Variants in VRK1 observed in about 807,000 individuals in gnomAD.
The protein encoded by VRK1 is serine/threonine-protein kinase VRK1.
A neutral mutation model predicts 57.1 loss-of-function variants in VRK1; 33 were observed. That is an observed-to-expected ratio of 0.58 (90% CI 0.44 to 0.77). The LOEUF is 0.77. Ranked by LOEUF, VRK1 falls within the 30% of genes least tolerant of loss-of-function variation. The pLI, the probability that VRK1 is intolerant of heterozygous loss-of-function variation, is 0.00. For missense variants in VRK1, 413 were observed against 477.3 expected (o/e 0.87, Z 1.25); for synonymous variants, 137 against 147.8 (o/e 0.93, Z 0.53).
chr14:96,834,360 A>G (rs1249327060), intron 2 of VRK1, among the ~76,000 whole-genome samples: 1 of 152,128 alleles, frequency 6.6e-6, no homozygotes, highest in African/African-American at 2.4e-5. Flanking sequence ...ATTTTTAGCA[A>G]TATCTTACTC....
Position 96,847,255 on chromosome 14 carries a change from A to G in VRK1, c.287-2A>G. The G allele has an allele frequency of 6.2e-7, 1 of 1,612,544 alleles. No individual in the cohort carries two copies. The highest frequency in any genetic ancestry group is 8.5e-7 in the Non-Finnish European group (1 of 1,178,748). On this transcript the variant is annotated splice_acceptor_variant, in intron 4 of 12. Transcript: ENST00000216639. LOFTEE classifies it high-confidence loss of function. ...ATCACAAAGATCTGTTTTAATTTGT[A>G]GTTCAGAAATGGATTCGTACCCGTA...
intron 11 of VRK1, among the ~76,000 whole-genome samples, chr14:96,866,114 C>T (rs1888577138): frequency 6.6e-6 from 1 of 151,722 alleles, no homozygotes; most frequent in Non-Finnish European, 1.5e-5. Context: ...ATTCTTTGTT[C>T]GTGTGCTTAT....
intron 1 of VRK1, among the ~76,000 whole-genome samples, chr14:96,806,562 T>C (rs979420426): frequency 6.6e-6 from 1 of 152,204 alleles, no homozygotes. Flanking sequence ...AGTTCAAATA[T>C]TGACTGCTGT....
intron 2 of VRK1, among the ~76,000 whole-genome samples, chr14:96,835,905 C>T (rs1595662247): frequency 6.6e-6 from 1 of 152,260 alleles, no homozygotes; most frequent in Middle Eastern, 3.4e-3. Context: ...TTCAGTATGG[C>T]TTTTATGACC....
chr14:96,812,660 T>G (rs1215637152), intron 1 of VRK1, among the ~76,000 whole-genome samples: 2 of 152,218 alleles, frequency 1.3e-5, no homozygotes, highest in Non-Finnish European at 2.9e-5. Flanking sequence ...CTCAAAATGT[T>G]TTTTCTTTTT....
intron 5 of VRK1, among the ~76,000 whole-genome samples, chr14:96,850,419 G>C (rs1887902599): frequency 1.3e-5 from 2 of 152,252 alleles, no homozygotes; most frequent in South Asian, 4.1e-4. Flanking sequence ...TACTTTAGAG[G>C]AGTTACTTAG....
Position 96,827,870 on chromosome 14 carries a change from A to G in VRK1, c.-5-5597A>G, listed in dbSNP as rs576978348. On this transcript the variant is annotated intron_variant, in intron 1 of 12. Coordinates refer to ENST00000216639, the MANE Select transcript of VRK1 (RefSeq NM_003384.3). ...ATTTTACATAAATAAACAGGATGAA[A>G]TAATAAGTATACTTCTTGATTACTT... Among the ~76,000 whole-genome samples the G allele has an allele frequency of 3.3e-5, 5 of 152,314 alleles. No individual in the cohort carries two copies. The South Asian group carries it at 1.0e-3, about 32-fold the overall frequency.
intron 12 of VRK1, among the ~76,000 whole-genome samples, chr14:96,878,669 G>A (rs1889133755): frequency 6.6e-6 from 1 of 152,126 alleles, no homozygotes; most frequent in African/African-American, 2.4e-5. Flanking sequence ...AATGTGTATT[G>A]TGTAGGTTTT....
chr14:96,880,914 T>C (rs558003278), intron 12 of VRK1, among the ~76,000 whole-genome samples: 3 of 152,344 alleles, frequency 2.0e-5, no homozygotes, highest in Non-Finnish European at 2.9e-5. Context: ...AGATACGTTT[T>C]ATCAGTCAGT....
intron 3 of VRK1, among the ~76,000 whole-genome samples, chr14:96,843,876 C>G (rs1451224125): frequency 6.6e-6 from 1 of 152,104 alleles, no homozygotes; most frequent in Non-Finnish European, 1.5e-5. Context: ...GCTCAGAGAG[C>G]CTTCCTTGTA....
At chr14:96,797,822 G>A (rs1885497586) in intron 1 of VRK1, among the ~76,000 whole-genome samples, 1 of 152,256 alleles carries the variant, frequency 6.6e-6, no homozygotes, top group African/African-American at 2.4e-5. Context: ...CGGGTGAACA[G>A]CGCAGGCGAG....
intron 10 of VRK1, among the ~76,000 whole-genome samples, chr14:96,860,136 C>T (rs993664885): frequency 9.2e-5 from 14 of 151,986 alleles, no homozygotes; most frequent in African/African-American, 3.1e-4. Flanking sequence ...CTCATTTACA[C>T]GAAGAATATA....
chr14:96,860,427 A>T, intron 10 of VRK1, 130 bp from the exon 11 acceptor site: 4 of 837,848 alleles, frequency 4.8e-6, no homozygotes, highest in South Asian at 4.1e-5. Context: ...CATTGAAGTG[A>T]TTGAAAAAAA....
At chr14:96,809,230 C>G (rs147662627) in intron 1 of VRK1, among the ~76,000 whole-genome samples, 1,639 of 152,284 alleles carry the variant, frequency 0.011, 25 homozygotes, top group South Asian at 0.056. Flanking sequence ...ATAATCTCAC[C>G]TCCACCATAC....
intron 3 of VRK1, among the ~76,000 whole-genome samples, chr14:96,844,757 G>C (rs1887608020): frequency 1.3e-5 from 2 of 152,136 alleles, no homozygotes; most frequent in Admixed American, 6.5e-5. Flanking sequence ...GGCCAGGCTG[G>C]TCTTGAACTC....
rs140321086 is a variant in VRK1 at position 96,854,405 on chromosome 14, T to C, written c.577-819T>C. 2.0e-5 allele frequency among the ~76,000 whole-genome samples: 3 copies of C among 152,272 alleles called. No homozygotes were observed. In the East Asian group the frequency reaches 5.8e-4, roughly 29 times the overall value. ...TTTGGATGGGATTATTTTTCCAGTGTTAGATGTATGTGCTAGATCTAGCCA... is the reference window on the plus strand; with the variant it reads ...TTTGGATGGGATTATTTTTCCAGTGCTAGATGTATGTGCTAGATCTAGCCA... On this transcript the variant is annotated intron_variant, in intron 7 of 12. Transcript: ENST00000216639.
chr14:96,837,111 T>C (rs1257813301), intron 2 of VRK1, among the ~76,000 whole-genome samples: 2 of 152,226 alleles, frequency 1.3e-5, no homozygotes, highest in Admixed American at 6.5e-5. Context: ...TTGCTAAATC[T>C]CTATTTCCTA....
chr14:96,798,137 G>C (rs910867439), intron 1 of VRK1, among the ~76,000 whole-genome samples: 2 of 152,286 alleles, frequency 1.3e-5, no homozygotes, highest in African/African-American at 4.8e-5. Context: ...GGGTCTGTCT[G>C]GTGCAAGGCA....
chr14:96,850,465 G>A (rs942899337), intron 5 of VRK1, among the ~76,000 whole-genome samples: 1 of 152,172 alleles, frequency 6.6e-6, no homozygotes, highest in Non-Finnish European at 1.5e-5. Context: ...TGGTAGAGCC[G>A]TCTTTCCAGA....
Sources: allele counts gnomAD v4.1 joint callset (sites outside exome capture counted in the v4.1 genomes callset), GRCh38; gene constraint gnomAD v4.1.1; transcripts MANE v1.5; gene names NCBI Gene and HGNC (gene_info 2026-07-23, HGNC 2026-07-21).